Variants in CWF19L1 observed in about 807,000 individuals in gnomAD.
CWF19L1 encodes CWF19 like cell cycle control factor 1.
A neutral mutation model predicts 69.7 loss-of-function variants in CWF19L1; 60 were observed. The observed-to-expected ratio is 0.86, with a 90% confidence interval of 0.70 to 1.07. CWF19L1 has a LOEUF of 1.07. CWF19L1 is among the 50% of genes least tolerant of loss of function. The pLI is 0.00. For missense variants in CWF19L1, 591 were observed against 638.9 expected (o/e 0.92, Z 0.81); for synonymous variants, 209 against 222.2 (o/e 0.94, Z 0.53).
At position 100,235,670 on chromosome 10, in the gene CWF19L1, C is replaced by A. The variant is rs1408609524; in HGVS notation, c.1469G>T (p.Gly490Val). ...RIKKNFPLQF[G>V]REVLASEAIL... ...ATTGAAAAGAAGAAAAACATACCTT[C>A]CAAACTGCAAAGGAAAATTCTTTTT... The change falls in exon 13 of 14, where the codon GGA (glycine) becomes GTA (valine). Residue 490 changes from glycine (G) to valine (V), a missense_variant. Transcript: ENST00000354105. 1.2e-6 allele frequency: 2 copies of A among 1,607,486 alleles called. No individual in the cohort carries two copies. Among genetic ancestry groups the A allele is most frequent in the Admixed American group, 3.3e-5 (2 of 59,982 alleles).
Position 100,250,283 on chromosome 10 carries a change from C to G in CWF19L1, c.673G>C (p.Ala225Pro). The G allele has an allele frequency of 3.1e-6, 5 of 1,612,864 alleles. No homozygotes were observed. The highest frequency in any genetic ancestry group is 4.2e-6 in the Non-Finnish European group (5 of 1,179,020). The change falls in exon 7 of 14, where the codon GCT (alanine) becomes CCT (proline). Residue 225 changes from alanine to proline, a missense_variant. Around this residue, in one of 3 missense-constraint regions of CWF19L1, gnomAD observed 458 missense variants for 489.3 expected, o/e 0.94. Transcript: ENST00000354105. ...ENAQHATRFI[A>P]LANVGNPEKK... ...TCTGGATTTCCAACATTTGCCAGAG[C>G]TATAAACCGGGTGGCATGCTGTGCA... is the stretch of plus-strand genomic sequence containing the variant.
intron 6 of CWF19L1, among the ~76,000 whole-genome samples, chr10:100,252,991 T>G (rs909067000): frequency 6.6e-5 from 10 of 152,156 alleles, no homozygotes; most frequent in African/African-American, 1.2e-4. Context: ...AACATATACA[T>G]TATCTCATAT....
At chr10:100,253,568 C>T in intron 5 of CWF19L1, 29 bp from the exon 6 acceptor site, 1 of 1,300,490 alleles carries the variant, frequency 7.7e-7, no homozygotes, top group Non-Finnish European at 1.1e-6. Context: ...GTCATCCATA[C>T]AGACCAAAAG....
intron 4 of CWF19L1, among the ~76,000 whole-genome samples, chr10:100,259,217 AAG>A (rs1399068623): frequency 6.6e-6 from 1 of 151,222 alleles, no homozygotes; most frequent in Non-Finnish European, 1.5e-5. Flanking sequence ...AAAAAAAAAA[AAG>A]AGTTGAATGA....
intron 10 of CWF19L1, among the ~76,000 whole-genome samples, chr10:100,239,165 G>A (rs1252239041): frequency 1.3e-5 from 2 of 152,090 alleles, no homozygotes; most frequent in East Asian, 3.8e-4. Flanking sequence ...ATCCAAAGAG[G>A]CAGAAAAGAA....
At chr10:100,256,175 C>T (rs1035314728) in intron 5 of CWF19L1, 87 bp downstream of exon 5, 2 of 996,348 alleles carry the variant, frequency 2.0e-6, no homozygotes, top group African/African-American at 3.3e-5. Context: ...AGCTAAAATA[C>T]TCAATATAAA....
chr10:100,244,221 T>C (rs1846730795), intron 9 of CWF19L1, among the ~76,000 whole-genome samples: 1 of 152,230 alleles, frequency 6.6e-6, no homozygotes, highest in African/African-American at 2.4e-5. Context: ...TCCTTCGAGT[T>C]TGATCATTCT....
intron 2 of CWF19L1, 41 bp from the exon 3 acceptor site, chr10:100,261,085 T>C (rs761284745): frequency 1.6e-6 from 2 of 1,286,904 alleles, no homozygotes; most frequent in Non-Finnish European, 1.1e-6. Flanking sequence ...GATTTTAAAA[T>C]ATCAAACAGT....
chr10:100,241,742 A>G (rs1846646831), intron 10 of CWF19L1, among the ~76,000 whole-genome samples: 1 of 152,214 alleles, frequency 6.6e-6, no homozygotes. Context: ...GTGAGAGTAA[A>G]GAAGCAAAAG....
Position 100,261,910 on chromosome 10 carries a change from G to A in CWF19L1, c.108+69C>T, listed in dbSNP as rs969342248. 8.3e-6 allele frequency: 11 copies of A among 1,327,282 alleles called. No individual in the cohort carries two copies. In the African/African-American group the frequency reaches 8.9e-5, roughly 11 times the overall value. 82.2% of individuals were successfully genotyped at this position (1,327,282 alleles called of 1,614,324 possible). A position where few individuals can be genotyped will look rare whatever the true frequency, so the allele number is the denominator to read the frequency against. On this transcript the variant is annotated intron_variant, in intron 2 of 13. Coordinates refer to ENST00000354105, the MANE Select transcript of CWF19L1 (RefSeq NM_018294.6). ...GTATGTGTTCAATCAAGACTTAAAG[G>A]AGTGCAAACTTTATTTTTATGTGTG...
intron 12 of CWF19L1, 140 bp from the exon 13 acceptor site, chr10:100,235,904 G>A (rs1207554626): frequency 1.1e-5 from 7 of 625,458 alleles, no homozygotes; most frequent in Non-Finnish European, 1.9e-5. Context: ...AAGCCACTTA[G>A]TGGAACTAGG....
chr10:100,238,348 A>C (rs1846521482), intron 10 of CWF19L1, 117 bp from the exon 11 acceptor site: 2 of 826,460 alleles, frequency 2.4e-6, no homozygotes, highest in East Asian at 5.1e-5. Flanking sequence ...TGAGGTTATT[A>C]ATAAAAATTC....
Position 100,238,119 on chromosome 10 carries a change from TCCACCTCTTCTA to T in CWF19L1, c.1145_1156del (p.Val382_Val385del). 1 of 1,614,138 alleles carries T rather than the reference TCCACCTCTTCTA, an allele frequency of 6.2e-7. No homozygotes were observed. Among genetic ancestry groups the T allele is most frequent in the Non-Finnish European group, 8.5e-7 (1 of 1,180,022 alleles). On this transcript the variant is annotated inframe_deletion, in exon 11 of 14. Coordinates refer to ENST00000354105, the MANE Select transcript of CWF19L1 (RefSeq NM_018294.6). Reference sequence around the variant, plus strand: ...CCGTCTCAGAGTGGCCTTATACTTCTCCACCTCTTCTACCACCTCTGCTGAAAGCTCCACCAC... The same window carrying T: ...CCGTCTCAGAGTGGCCTTATACTTCTCCACCTCTGCTGAAAGCTCCACCAC...
chr10:100,260,995 C>G lies in CWF19L1; in HGVS notation c.158G>C (p.Trp53Ser). The G allele has an allele frequency of 6.2e-7, 1 of 1,612,252 alleles. No homozygotes were observed. Among genetic ancestry groups the G allele is most frequent in the Non-Finnish European group, 8.5e-7 (1 of 1,178,710 alleles). ...NFFGSTQDAEWEEYKTGIKKA... is the reference protein window; with the variant it reads ...NFFGSTQDAESEEYKTGIKKA... Reference sequence around the variant, plus strand: ...CTTGATGCCAGTCTTATACTCCTCCCATTCAGCATCTTGGGTGGAGCCAAA... The same window carrying G: ...CTTGATGCCAGTCTTATACTCCTCCGATTCAGCATCTTGGGTGGAGCCAAA... The change falls in exon 3 of 14, where the codon TGG becomes TCG. Residue 53 changes from tryptophan (W) to serine (S), a missense_variant. By Grantham distance (177) the Trp-to-Ser change is radical (BLOSUM62 -3). This residue lies in a region of CWF19L1 where 129 missense variants were observed against 131.3 expected (regional missense o/e 0.98). Coordinates refer to ENST00000354105, the MANE Select transcript of CWF19L1 (RefSeq NM_018294.6).
chr10:100,266,693 T>TTTTGTGTGTG (rs199826886), intron 1 of CWF19L1, among the ~76,000 whole-genome samples: 3 of 149,810 alleles, frequency 2.0e-5, no homozygotes, highest in African/African-American at 7.4e-5. Flanking sequence ...TTTTTTTTTT[T>TTTTGTGTGTG]TGTATTAGTA....
intron 10 of CWF19L1, among the ~76,000 whole-genome samples, chr10:100,241,784 T>G (rs1187381612): frequency 2.6e-5 from 4 of 152,180 alleles, no homozygotes; most frequent in Non-Finnish European, 5.9e-5. Context: ...AAAGCCACTC[T>G]CATGATAACC....
Position 100,233,315 on chromosome 10 carries a change from T to G in CWF19L1, c.1529A>C (p.Gln510Pro). The G allele has an allele frequency of 6.2e-7, 1 of 1,613,992 alleles. No individual in the cohort carries two copies. The change falls in exon 14 of 14, where the codon CAG (glutamine) becomes CCG (proline). Residue 510 changes from glutamine to proline, a missense_variant. Gln to Pro is a moderately conservative substitution (Grantham distance 76). Transcript: ENST00000354105. Reference sequence around the variant, plus strand: ...CTCGTCTTCCTTGCTGATCTGACACTGCCTCCAGTCAGACTTATCAGGAAC... The same window carrying G: ...CTCGTCTTCCTTGCTGATCTGACACGGCCTCCAGTCAGACTTATCAGGAAC... The part of the protein sequence containing the change: ...LNVPDKSDWR[Q>P]CQISKEDEET...
chr10:100,262,473 G>A, intron 1 of CWF19L1: 3 of 985,180 alleles, frequency 3.0e-6, no homozygotes, highest in Non-Finnish European at 2.4e-6. Context: ...TCCTATCTTA[G>A]TACAGGGCTT....
chr10:100,265,726 G>A (rs1847558527), intron 1 of CWF19L1, among the ~76,000 whole-genome samples: 1 of 151,892 alleles, frequency 6.6e-6, no homozygotes, highest in African/African-American at 2.4e-5. Flanking sequence ...TCACCATGTT[G>A]GCCAGGCTGG....
Sources: allele counts gnomAD v4.1 joint callset (sites outside exome capture counted in the v4.1 genomes callset), GRCh38; gene constraint gnomAD v4.1.1; regional missense constraint gnomAD v4.1.1; transcripts MANE v1.5; gene names NCBI Gene and HGNC (gene_info 2026-07-23, HGNC 2026-07-21).